Variants in ZDHHC7 observed in about 807,000 individuals in gnomAD.
ZDHHC7 encodes the protein zDHHC palmitoyltransferase 7.
In ZDHHC7, 12 loss-of-function variants were observed where a neutral mutation model predicts 34.1. That is an observed-to-expected ratio of 0.35 (90% CI 0.23 to 0.57). The LOEUF is 0.57. ZDHHC7 is among the 20% of genes least tolerant of loss of function. ZDHHC7 has a pLI of 0.84. For synonymous variants in ZDHHC7, 185 were observed against 155.4 expected (o/e 1.19, Z -1.42); for missense variants, 388 against 402.7 (o/e 0.96, Z 0.31).
At chr16:85,010,714 A>T (rs2072779794) in intron 1 of ZDHHC7, among the ~76,000 whole-genome samples, 1 of 152,180 alleles carries the variant, frequency 6.6e-6, no homozygotes. Flanking sequence ...TGTAGAAGGA[A>T]CCACACCAGG....
rs149325865 is a variant in ZDHHC7 at position 85,004,518 on chromosome 16, G to A, written c.-104+6768C>T. On this transcript the variant is annotated intron_variant, in intron 1 of 7. Coordinates refer to ENST00000313732, the MANE Select transcript of ZDHHC7 (RefSeq NM_017740.3). Reference sequence around the variant, plus strand: ...CATGCAATCACTGCCTTTTCAGTGCGAATAAAATCCCACCCCACCCCCCAC... The same window carrying A: ...CATGCAATCACTGCCTTTTCAGTGCAAATAAAATCCCACCCCACCCCCCAC... Among the ~76,000 whole-genome samples the A allele has an allele frequency of 1.4e-3, 220 of 151,974 alleles. 1 individual carries two copies. Among genetic ancestry groups the A allele is most frequent in the African/African-American group, 4.5e-3 (187 of 41,448 alleles).
At chr16:84,980,365 T>C (rs2072352211) in intron 4 of ZDHHC7, among the ~76,000 whole-genome samples, 1 of 152,034 alleles carries the variant, frequency 6.6e-6, no homozygotes, top group African/African-American at 2.4e-5. Flanking sequence ...ACAGATTTAT[T>C]GAAGTATAAT....
At chr16:85,013,876 C>T (rs1417227200), upstream of ZDHHC7, among the ~76,000 whole-genome samples, 16 of 150,986 alleles carry the variant, frequency 1.1e-4, no homozygotes, top group Non-Finnish European at 4.4e-5. Flanking sequence ...TTAGTAGAGA[C>T]GGGGTTTCAC....
chr16:84,999,566 G>A (rs954781878), intron 1 of ZDHHC7, among the ~76,000 whole-genome samples: 6 of 152,030 alleles, frequency 3.9e-5, no homozygotes, highest in African/African-American at 1.4e-4. Context: ...CAAGCAACAT[G>A]GCTAAATCTC....
intron 1 of ZDHHC7, among the ~76,000 whole-genome samples, chr16:85,001,929 A>AT (rs2072658323): frequency 2.6e-5 from 4 of 151,336 alleles, no homozygotes; most frequent in African/African-American, 4.9e-5. Context: ...AAAAAAAATA[A>AT]ATATATATAC....
At chr16:84,988,523 G>A (rs1034538169) in intron 3 of ZDHHC7, among the ~76,000 whole-genome samples, 2 of 152,176 alleles carry the variant, frequency 1.3e-5, no homozygotes, top group Non-Finnish European at 2.9e-5. Flanking sequence ...CCACCAGGGC[G>A]GCAGCACGCC....
chr16:84,991,342 G>T (rs2072506896), intron 2 of ZDHHC7, among the ~76,000 whole-genome samples: 1 of 152,084 alleles, frequency 6.6e-6, no homozygotes, highest in South Asian at 2.1e-4. Context: ...CTGGAGTGCA[G>T]TGGTGCGATC....
intron 1 of ZDHHC7, among the ~76,000 whole-genome samples, chr16:84,997,260 A>C (rs1354218542): frequency 6.9e-6 from 1 of 144,820 alleles, no homozygotes; most frequent in Admixed American, 7.1e-5. Flanking sequence ...ATAGATTCTA[A>C]ATTTTCCTTT....
Position 84,990,352 on chromosome 16 carries a change from C to G in ZDHHC7, c.267G>C (p.Leu89Phe), listed in dbSNP as rs1263166619. ...GGTGGGATGACAGGGCAAGCACGGCCAAGCAGTTAAAGATGACCCCGTTGA... is the reference window on the plus strand; with the variant it reads ...GGTGGGATGACAGGGCAAGCACGGCGAAGCAGTTAAAGATGACCCCGTTGA... The part of the protein sequence containing the change: ...SVVNGVIFNC[L>F]AVLALSSHLR... Residue 89 changes from leucine to phenylalanine, a missense_variant, in exon 3 of 8, where the codon TTG (leucine) becomes TTC (phenylalanine). By Grantham distance (22) the Leu-to-Phe change is conservative (BLOSUM62 0). Coordinates refer to ENST00000313732, the MANE Select transcript of ZDHHC7 (RefSeq NM_017740.3). The G allele has an allele frequency of 6.2e-7, 1 of 1,613,950 alleles. No homozygotes were observed. Among genetic ancestry groups the G allele is most frequent in the Non-Finnish European group, 8.5e-7 (1 of 1,180,032 alleles).
At chr16:84,992,105 G>A (rs1014225777) in intron 2 of ZDHHC7, among the ~76,000 whole-genome samples, 2 of 151,596 alleles carry the variant, frequency 1.3e-5, no homozygotes, top group African/African-American at 4.9e-5. Context: ...GAACCTGGGA[G>A]GCGGAGGTTG....
chr16:85,018,984 G>A, the ZDHHC7 span, among the ~76,000 whole-genome samples: 2 of 152,166 alleles, frequency 1.3e-5, no homozygotes, highest in Non-Finnish European at 2.9e-5. Flanking sequence ...TTCCTTTTCT[G>A]CAGGCCACCT....
chr16:84,990,586 G>C lies in ZDHHC7; in HGVS notation c.33C>G (p.Val11=), dbSNP rs752051653. ...TTTCAGCCAGGAGAGGATGATGCTC[G>C]ACGTCCCGGAGCCTGTGTCCTGATG... MQPSGHRLRD[V]EHHPLLAEND... Residue 11 remains valine (V), a synonymous_variant, in exon 3 of 8, where the codon GTC becomes GTG. Coordinates refer to ENST00000313732, the MANE Select transcript of ZDHHC7 (RefSeq NM_017740.3). 1.2e-6 allele frequency: 2 copies of C among 1,613,962 alleles called. No individual in the cohort carries two copies. The highest frequency in any genetic ancestry group is 1.7e-6 in the Non-Finnish European group (2 of 1,180,034).
At chr16:84,989,112 C>T (rs753638625) in intron 3 of ZDHHC7, among the ~76,000 whole-genome samples, 9 of 152,164 alleles carry the variant, frequency 5.9e-5, no homozygotes, top group East Asian at 1.9e-4. Flanking sequence ...ACAAACCCAT[C>T]GAAGAGACTC....
chr16:84,977,865 C>T, intron 6 of ZDHHC7, 59 bp downstream of exon 6: 3 of 1,347,398 alleles, frequency 2.2e-6, no homozygotes, highest in Non-Finnish European at 2.1e-6. Flanking sequence ...TTAAAGCTTT[C>T]CCCTTTCATC....
rs1333205880 is a variant in ZDHHC7 at position 85,011,469 on chromosome 16, T to G, written c.-287A>C. 2 of 152,110 alleles carry G rather than the reference T, an allele frequency of 1.3e-5. No homozygotes were observed. The highest frequency in any genetic ancestry group is 2.1e-4 in the South Asian group (1 of 4,878). The allele number at this position is 152,110 out of a possible 1,614,324, so 9.4% of individuals were successfully genotyped here. On this transcript the variant is annotated 5_prime_UTR_variant, in exon 1 of 8. Coordinates refer to ENST00000313732, the MANE Select transcript of ZDHHC7 (RefSeq NM_017740.3). ...CCCGCCGGGCAGGTCGGAAGGAGGC[T>G]GCAGCCAAGCAAATGCCTCAGCCCG... is the stretch of plus-strand genomic sequence containing the variant.
At chr16:84,981,584 A>T (rs1197876674) in intron 4 of ZDHHC7, among the ~76,000 whole-genome samples, 1 of 152,122 alleles carries the variant, frequency 6.6e-6, no homozygotes, top group Non-Finnish European at 1.5e-5. Flanking sequence ...CAGAGGCGGG[A>T]ACCTTGTCAC....
At chr16:85,027,240 C>CTTTT in the ZDHHC7 span, among the ~76,000 whole-genome samples, 2 of 152,136 alleles carry the variant, frequency 1.3e-5, no homozygotes. Flanking sequence ...TTTTAAATCT[C>CTTTT]TTTTGAAAAA....
intron 1 of ZDHHC7, among the ~76,000 whole-genome samples, chr16:84,997,817 C>T (rs1411012028): frequency 6.9e-6 from 1 of 144,560 alleles, no homozygotes; most frequent in African/African-American, 2.5e-5. Context: ...GGCATGAACC[C>T]GGGATGCGGA....
At chr16:85,013,273 C>T (rs528758065), upstream of ZDHHC7, among the ~76,000 whole-genome samples, 4 of 152,140 alleles carry the variant, frequency 2.6e-5, no homozygotes, top group South Asian at 2.1e-4. Flanking sequence ...GATGGAGTCT[C>T]GCTCTGTCTC....
Sources: allele counts gnomAD v4.1 joint callset (sites outside exome capture counted in the v4.1 genomes callset), GRCh38; gene constraint gnomAD v4.1.1; transcripts MANE v1.5; gene names NCBI Gene and HGNC (gene_info 2026-07-23, HGNC 2026-07-21).